The following MAPKAP1 variants were observed in gnomAD, a reference collection of about 807,000 sequenced individuals.
MAPKAP1 encodes the protein target of rapamycin complex 2 subunit MAPKAP1.
A neutral mutation model predicts 65.7 loss-of-function variants in MAPKAP1; 20 were observed. The observed-to-expected ratio is 0.30, with a 90% confidence interval of 0.21 to 0.44. The LOEUF (loss-of-function observed/expected upper bound fraction) is 0.44, where lower values mean the gene tolerates loss of function less well. MAPKAP1 is among the 20% of genes least tolerant of loss of function. The pLI is 1.00. For synonymous variants in MAPKAP1, 222 were observed against 244.3 expected (o/e 0.91, Z 0.85); for missense variants, 423 against 648.0 (o/e 0.65, Z 3.77).
chr9:125,643,157 C>T (rs1039885580), intron 4 of MAPKAP1, among the ~76,000 whole-genome samples: 3 of 150,686 alleles, frequency 2.0e-5, no homozygotes, highest in Non-Finnish European at 4.4e-5. Flanking sequence ...GCCTTGGCCT[C>T]CCAAAGTGCT....
At chr9:125,681,942 G>A (rs1834834694) in intron 1 of MAPKAP1, among the ~76,000 whole-genome samples, 1 of 151,964 alleles carries the variant, frequency 6.6e-6, no homozygotes, top group Non-Finnish European at 1.5e-5. Context: ...AAATTTTTTT[G>A]TAGAGACAAG....
At chr9:125,463,194 AGT>A (rs1362601125) in intron 10 of MAPKAP1, among the ~76,000 whole-genome samples, 8 of 152,262 alleles carry the variant, frequency 5.3e-5, no homozygotes, top group African/African-American at 1.7e-4. Context: ...CTTAAGCCCC[AGT>A]GCAACAATGG....
chr9:125,444,397 T>C, intron 11 of MAPKAP1, 104 bp downstream of exon 11: 1 of 888,052 alleles, frequency 1.1e-6, no homozygotes. Context: ...CCCGGGAACC[T>C]TCTATAGAGC....
chr9:125,565,321 G>A (rs1184260834), intron 5 of MAPKAP1: 1 of 154,630 alleles, frequency 6.5e-6, no homozygotes, highest in African/African-American at 2.4e-5. Context: ...GAGCATTCCA[G>A]GAGGCATCCC....
At chr9:125,507,766 C>G (rs1829185477) in intron 7 of MAPKAP1, among the ~76,000 whole-genome samples, 1 of 152,194 alleles carries the variant, frequency 6.6e-6, no homozygotes, top group African/African-American at 2.4e-5. Flanking sequence ...AGCATATGCT[C>G]AGAAGCCTAC....
At chr9:125,523,803 T>C (rs1260553008) in intron 7 of MAPKAP1, among the ~76,000 whole-genome samples, 4 of 152,192 alleles carry the variant, frequency 2.6e-5, no homozygotes, top group Non-Finnish European at 4.4e-5. Flanking sequence ...GTGCTGAGCA[T>C]CATCTGCTTC....
rs36063329 is a variant in MAPKAP1 at position 125,456,990 on chromosome 9, AT to A, written c.1345+10981del. Among the ~76,000 whole-genome samples, 1,127 of 143,518 alleles carry A rather than the reference AT, an allele frequency of 7.9e-3. 1 individual carries two copies. Among genetic ancestry groups the A allele is most frequent in the Middle Eastern group, 0.029 (8 of 276 alleles). The allele number at this position is 143,518 out of a possible 152,430, so 94.2% of individuals were successfully genotyped here. A position where few individuals can be genotyped will look rare whatever the true frequency, so the allele number is the denominator to read the frequency against. On this transcript the variant is annotated intron_variant, in intron 10 of 11. Transcript: ENST00000265960. ...ATACTAATCTGCTCCCATTTAGTGA[AT>A]TTTTTTTTTTTTTTTGAGACAGAGT...
intron 7 of MAPKAP1, among the ~76,000 whole-genome samples, chr9:125,525,062 T>C (rs1236905741): frequency 6.6e-6 from 1 of 152,184 alleles, no homozygotes; most frequent in Non-Finnish European, 1.5e-5. Flanking sequence ...TGGACTCAAT[T>C]TGAGCTGGGT....
At chr9:125,521,420 C>T in intron 7 of MAPKAP1, 1 of 1,056,848 alleles carries the variant, frequency 9.5e-7, no homozygotes, top group East Asian at 5.7e-5. Context: ...GTGACAATAC[C>T]AAATTTTACA....
At chr9:125,467,491 A>T (rs1393874693) in intron 10 of MAPKAP1, among the ~76,000 whole-genome samples, 1 of 152,192 alleles carries the variant, frequency 6.6e-6, no homozygotes, top group African/African-American at 2.4e-5. Context: ...AGCTGCCAAT[A>T]ATCTAGGGGG....
intron 4 of MAPKAP1, among the ~76,000 whole-genome samples, chr9:125,629,483 G>C (rs1304040016): frequency 6.6e-6 from 1 of 152,232 alleles, no homozygotes; most frequent in South Asian, 2.1e-4. Context: ...ATGATGCTAA[G>C]TGAAATAAGC....
At chr9:125,698,289 ATATATATATATAT>A (rs1361639008) in intron 1 of MAPKAP1, among the ~76,000 whole-genome samples, 955 of 77,796 alleles carry the variant, frequency 0.012, 57 homozygotes, top group African/African-American at 0.042. Context: ...ATATATATAA[ATATATATATATAT>A]ATATATATAT....
chr9:125,500,552 TTGTG>T (rs531967931), intron 8 of MAPKAP1, among the ~76,000 whole-genome samples: 1 of 152,188 alleles, frequency 6.6e-6, no homozygotes, highest in Non-Finnish European at 1.5e-5. Flanking sequence ...ATGAGTGTGC[TTGTG>T]TGTACACACA....
At chr9:125,677,421 TAC>T (rs562478214) in intron 1 of MAPKAP1, among the ~76,000 whole-genome samples, 90 of 152,018 alleles carry the variant, frequency 5.9e-4, no homozygotes, top group Middle Eastern at 3.4e-3. Flanking sequence ...TAAGGCCCGG[TAC>T]AGTCACTTAT....
At chr9:125,701,737 G>C (rs1244837251) in intron 1 of MAPKAP1, among the ~76,000 whole-genome samples, 1 of 152,194 alleles carries the variant, frequency 6.6e-6, no homozygotes, top group Non-Finnish European at 1.5e-5. Context: ...TACTATTGTG[G>C]AGAGGGCCAA....
intron 4 of MAPKAP1, among the ~76,000 whole-genome samples, chr9:125,599,674 G>T (rs1832245864): frequency 6.7e-6 from 1 of 149,282 alleles, no homozygotes; most frequent in Non-Finnish European, 1.5e-5. Context: ...TGTGATGTCA[G>T]CTCACTGCAA....
At chr9:125,691,042 G>A (rs558488123) in intron 1 of MAPKAP1, among the ~76,000 whole-genome samples, 5 of 152,214 alleles carry the variant, frequency 3.3e-5, no homozygotes, top group Admixed American at 6.5e-5. Context: ...TGGGTGGATC[G>A]CGAGGTCAGG....
chr9:125,699,385 T>C (rs1487775182), intron 1 of MAPKAP1, among the ~76,000 whole-genome samples: 1 of 152,022 alleles, frequency 6.6e-6, no homozygotes, highest in Admixed American at 6.6e-5. Flanking sequence ...ATTGTTTTGA[T>C]TTTTAGTAGA....
rs572934554 is a variant in MAPKAP1, at chr9:125,538,199, T to A, written c.958+4860A>T. Among the ~76,000 whole-genome samples the A allele has an allele frequency of 3.9e-5, 6 of 152,172 alleles. No homozygotes were observed. The East Asian group carries it at 9.6e-4, about 24-fold the overall frequency. ...ATATGCTCTGACTCATATTTTAAAA[T>A]CTCTCTTTGGTTGCTGTGTAAACAA... is the stretch of plus-strand genomic sequence containing the variant. On this transcript the variant is annotated intron_variant, in intron 7 of 11. Coordinates refer to ENST00000265960, the MANE Select transcript of MAPKAP1 (RefSeq NM_001006617.3).
Sources: allele counts gnomAD v4.1 joint callset (sites outside exome capture counted in the v4.1 genomes callset), GRCh38; gene constraint gnomAD v4.1.1; transcripts MANE v1.5; gene names NCBI Gene and HGNC (gene_info 2026-07-23, HGNC 2026-07-21).